CYSTM1: variants seen among roughly 807,000 people sequenced by gnomAD.
CYSTM1 encodes the protein cysteine-rich transmembrane module-containing protein 1.
In CYSTM1, 4 loss-of-function variants were observed where a neutral mutation model predicts 13.1. The observed-to-expected ratio is 0.31, with a 90% CI of 0.15 to 0.70. CYSTM1 has a LOEUF of 0.70. Ranked by LOEUF, CYSTM1 falls within the 30% of genes least tolerant of loss-of-function variation. The pLI, the probability that CYSTM1 is intolerant of heterozygous loss-of-function variation, is 0.72. For missense variants in CYSTM1, 96 were observed against 121.6 expected, an observed-to-expected ratio of 0.79 and a Z score of 0.99; for synonymous variants, 36 against 42.7, an observed-to-expected ratio of 0.84 and a Z score of 0.62.
At chr5:140,241,319 T>C (rs1204641849) in intron 2 of CYSTM1, among the ~76,000 whole-genome samples, 1 of 152,164 alleles carries the variant, frequency 6.6e-6, no homozygotes, top group Non-Finnish European at 1.5e-5. Flanking sequence ...GGGGAAGCAG[T>C]GAGGAGACTG....
intron 2 of CYSTM1, among the ~76,000 whole-genome samples, chr5:140,218,317 G>A (rs891457298): frequency 6.6e-5 from 10 of 152,130 alleles, no homozygotes; most frequent in African/African-American, 9.7e-5. Context: ...GGGTGTACCA[G>A]TTCTATGCAA....
chr5:140,233,946 A>C (rs530576734), intron 2 of CYSTM1, among the ~76,000 whole-genome samples: 66 of 152,158 alleles, frequency 4.3e-4, no homozygotes, highest in Non-Finnish European at 8.5e-4. Context: ...CGTGTCTTCC[A>C]TGGAGCAAAA....
At chr5:140,176,690 A>G (rs955402084) in intron 1 of CYSTM1, among the ~76,000 whole-genome samples, 2 of 152,184 alleles carry the variant, frequency 1.3e-5, no homozygotes, top group Non-Finnish European at 2.9e-5. Flanking sequence ...GGAAGTTATT[A>G]AAGGAGAACC....
intron 2 of CYSTM1, among the ~76,000 whole-genome samples, chr5:140,223,852 C>T (rs1764518160): frequency 1.3e-5 from 2 of 152,156 alleles, no homozygotes; most frequent in Non-Finnish European, 2.9e-5. Context: ...AGAGGTTGTT[C>T]AAAGGGTATG....
chr5:140,194,349 T>C, intron 1 of CYSTM1, 97 bp from the exon 2 acceptor site: 2 of 1,199,398 alleles, frequency 1.7e-6, no homozygotes, highest in Admixed American at 2.8e-5. Flanking sequence ...TTGATACACC[T>C]TGAAGGTATT....
chr5:140,188,778 CAAAAAAAAA>C (rs34915397), intron 1 of CYSTM1, among the ~76,000 whole-genome samples: 1 of 113,482 alleles, frequency 8.8e-6, no homozygotes, highest in Non-Finnish European at 1.8e-5. Flanking sequence ...GACTCCGTCT[CAAAAAAAAA>C]AAAAAAAAAG....
chr5:140,243,237 A>G, intron 2 of CYSTM1, 68 bp from the exon 3 acceptor site: 1 of 1,324,626 alleles, frequency 7.5e-7, no homozygotes. Context: ...TGGTCCTGGG[A>G]GGCTAACTTT....
At chr5:140,205,734 A>G (rs1764290923) in intron 2 of CYSTM1, among the ~76,000 whole-genome samples, 1 of 152,136 alleles carries the variant, frequency 6.6e-6, no homozygotes. Flanking sequence ...CCCCTGGCCC[A>G]CACAAATTTT....
chr5:140,243,046 G>A (rs113200052), intron 2 of CYSTM1, among the ~76,000 whole-genome samples: 15 of 152,306 alleles, frequency 9.8e-5, no homozygotes, highest in African/African-American at 3.1e-4. Context: ...GCCTTGGCAT[G>A]GGGCCATTCT....
intron 2 of CYSTM1, among the ~76,000 whole-genome samples, chr5:140,235,347 C>T (rs1764668055): frequency 6.6e-6 from 1 of 151,904 alleles, no homozygotes; most frequent in South Asian, 2.1e-4. Flanking sequence ...TGAACTGCTT[C>T]CTCCTCCTAC....
At position 140,175,481 on chromosome 5, in the gene CYSTM1, C is replaced by T. The variant is rs1344162981; in HGVS notation, c.-21+196C>T. Among the ~76,000 whole-genome samples the T allele has an allele frequency of 2.0e-5, 3 of 151,444 alleles. No homozygotes were observed. Among genetic ancestry groups the T allele is most frequent in the African/African-American group, 7.3e-5 (3 of 41,194 alleles). On this transcript the variant is annotated intron_variant, in intron 1 of 2. Transcript: ENST00000261811. The surrounding 1 kb of genome is among the most constrained non-coding windows in gnomAD (Gnocchi z 4.9). ...GGAAGCTGCTGCCGCCAGCTGGATC[C>T]CTCCCGGCGCCCCGCGGCTACTCTG...
intron 1 of CYSTM1, among the ~76,000 whole-genome samples, chr5:140,192,295 A>G (rs1764103951): frequency 6.6e-6 from 1 of 152,170 alleles, no homozygotes; most frequent in Non-Finnish European, 1.5e-5. Context: ...CAGTTGCACA[A>G]GGGTAGGGTT....
At chr5:140,176,913 T>TA (rs1011487535) in intron 1 of CYSTM1, among the ~76,000 whole-genome samples, 6 of 151,378 alleles carry the variant, frequency 4.0e-5, no homozygotes, top group Non-Finnish European at 7.4e-5. Flanking sequence ...ACTAAAAATA[T>TA]AAAAAATAAG....
chr5:140,184,101 C>G (rs866344357), intron 1 of CYSTM1, among the ~76,000 whole-genome samples: 1 of 111,282 alleles, frequency 9.0e-6, no homozygotes, highest in Non-Finnish European at 1.9e-5. Context: ...GTATAATGTA[C>G]AGTTTAATCA....
At chr5:140,240,911 C>T (rs1263143570) in intron 2 of CYSTM1, among the ~76,000 whole-genome samples, 1 of 152,178 alleles carries the variant, frequency 6.6e-6, no homozygotes, top group Non-Finnish European at 1.5e-5. Flanking sequence ...AGATTCTGTC[C>T]TCAGCTAAAG....
intron 1 of CYSTM1, among the ~76,000 whole-genome samples, chr5:140,186,065 C>T (rs952712093): frequency 1.2e-4 from 18 of 152,128 alleles, no homozygotes; most frequent in Non-Finnish European, 1.9e-4. Context: ...GATGCAATAG[C>T]AGACAAATGG....
chr5:140,190,402 T>C (rs1240997714), intron 1 of CYSTM1, among the ~76,000 whole-genome samples: 1 of 152,176 alleles, frequency 6.6e-6, no homozygotes, highest in African/African-American at 2.4e-5. Context: ...CAGTAAATAG[T>C]CCATTAGAAG....
At position 140,226,472 on chromosome 5, in the gene CYSTM1, T is replaced by A. The variant is rs1040732896; in HGVS notation, c.188-16833T>A. ...GGTGAAAACCCGTCTCTATAAAAAA[T>A]ATATATATATTTATATATATATAAT... On this transcript the variant is annotated intron_variant, in intron 2 of 2. Transcript: ENST00000261811. 4.3e-5 allele frequency among the ~76,000 whole-genome samples: 5 copies of A among 115,804 alleles called. No homozygotes were observed. The East Asian group carries it at 6.5e-4, about 15-fold the overall frequency. 76.0% of individuals were successfully genotyped at this position (115,804 alleles called of 152,430 possible). A position where few individuals can be genotyped will look rare whatever the true frequency, so the allele number is the denominator to read the frequency against.
At position 140,242,314 on chromosome 5, in the gene CYSTM1, T is replaced by C. The variant is rs780278716; in HGVS notation, c.188-991T>C. On this transcript the variant is annotated intron_variant, in intron 2 of 2. Coordinates refer to ENST00000261811, the MANE Select transcript of CYSTM1 (RefSeq NM_032412.4). ...CTAACCCACTCAGCGTGCCCTGTAA[T>C]AGCAATGACACCAGGCTCCAGAGAG... 3.3e-4 allele frequency among the ~76,000 whole-genome samples: 50 copies of C among 152,044 alleles called. 1 individual carries two copies. The highest frequency in any genetic ancestry group is 3.1e-3 in the Admixed American group (47 of 15,274).
Sources: gnomAD v4.1 joint callset for allele counts (sites outside exome capture counted in the v4.1 genomes callset) on GRCh38, gnomAD v4.1.1 for gene constraint, Gnocchi (gnomAD v3.1) non-coding constraint, MANE v1.5 for transcripts, NCBI Gene and HGNC (gene_info 2026-07-23, HGNC 2026-07-21) for gene names.